ADGRB3: variants seen among roughly 807,000 people sequenced by gnomAD.
ADGRB3 encodes the protein brain-specific angiogenesis inhibitor 3.
ADGRB3 carries 37 observed loss-of-function variants against 193.4 expected under a neutral mutation model. The observed-to-expected ratio is 0.19, with a 90% confidence interval of 0.15 to 0.25. The LOEUF is 0.25. ADGRB3 is among the 10% of genes least tolerant of loss of function. The pLI is 1.00. For synonymous variants in ADGRB3, 690 were observed against 644.2 expected (o/e 1.07, Z -1.08); for missense variants, 1,637 against 1,852.9 (o/e 0.88, Z 2.14).
At chr6:69,044,770 T>TA (rs1230978668) in intron 13 of ADGRB3, among the ~76,000 whole-genome samples, 2 of 152,244 alleles carry the variant, frequency 1.3e-5, no homozygotes, top group African/African-American at 4.8e-5. Context: ...GAAAACACGA[T>TA]ACAGTGAATT....
At chr6:69,037,295 A>G (rs1205393518) in intron 13 of ADGRB3, among the ~76,000 whole-genome samples, 1 of 152,120 alleles carries the variant, frequency 6.6e-6, no homozygotes, top group Non-Finnish European at 1.5e-5. Context: ...GAATCTCAAT[A>G]TTGGCTTTGC....
At chr6:69,020,105 G>C (rs1232955145) in intron 13 of ADGRB3, among the ~76,000 whole-genome samples, 3 of 152,018 alleles carry the variant, frequency 2.0e-5, no homozygotes, top group African/African-American at 7.2e-5. Context: ...TGGACAATTG[G>C]TAAAGTAATT....
intron 3 of ADGRB3, among the ~76,000 whole-genome samples, chr6:68,677,951 AT>A (rs924950739): frequency 7.9e-5 from 12 of 151,680 alleles, no homozygotes; most frequent in Non-Finnish European, 1.2e-4. Flanking sequence ...TTATTCATGA[AT>A]TTTTTTTTAA....
chr6:68,976,556 C>A (rs527336434), intron 10 of ADGRB3, among the ~76,000 whole-genome samples: 42 of 151,978 alleles, frequency 2.8e-4, no homozygotes, highest in African/African-American at 8.9e-4. Flanking sequence ...GAAGGCTCAC[C>A]GATAACAAAA....
chr6:69,083,506 G>A (rs568509194), intron 17 of ADGRB3, among the ~76,000 whole-genome samples: 1 of 152,174 alleles, frequency 6.6e-6, no homozygotes, highest in South Asian at 2.1e-4. Flanking sequence ...GATGTGGGAG[G>A]GGCTGGGGGA....
At chr6:68,798,282 A>G (rs1355091354) in intron 3 of ADGRB3, among the ~76,000 whole-genome samples, 2 of 152,216 alleles carry the variant, frequency 1.3e-5, no homozygotes, top group South Asian at 2.1e-4. Flanking sequence ...CTATGTGCCA[A>G]GTCTGTTCTG....
At chr6:69,109,197 A>G (rs1255419477) in intron 17 of ADGRB3, among the ~76,000 whole-genome samples, 1 of 152,190 alleles carries the variant, frequency 6.6e-6, no homozygotes, top group Non-Finnish European at 1.5e-5. Flanking sequence ...GACATTTTAG[A>G]CAAGGTTGAA....
At chr6:69,252,132 A>G (rs1766637395) in intron 20 of ADGRB3, among the ~76,000 whole-genome samples, 1 of 152,028 alleles carries the variant, frequency 6.6e-6, no homozygotes, top group Non-Finnish European at 1.5e-5. Context: ...CTGTTTCAGG[A>G]TTTTATACAA....
intron 28 of ADGRB3, among the ~76,000 whole-genome samples, chr6:69,360,019 G>C (rs565705137): frequency 3.3e-5 from 5 of 151,640 alleles, no homozygotes; most frequent in African/African-American, 1.2e-4. Context: ...TTTTAATAAA[G>C]AATTATTTAC....
chr6:68,806,253 T>C (rs1354852404), intron 3 of ADGRB3, among the ~76,000 whole-genome samples: 1 of 152,244 alleles, frequency 6.6e-6, no homozygotes, highest in African/African-American at 2.4e-5. Context: ...GATTTACTCT[T>C]CATGCTCCAT....
intron 20 of ADGRB3, among the ~76,000 whole-genome samples, chr6:69,315,677 G>A (rs1330490516): frequency 1.3e-5 from 2 of 151,290 alleles, no homozygotes; most frequent in African/African-American, 2.4e-5. Context: ...GCAGTTACCG[G>A]TGTGTCCAGA....
chr6:69,173,814 T>A (rs1775352750), intron 17 of ADGRB3, among the ~76,000 whole-genome samples: 1 of 152,156 alleles, frequency 6.6e-6, no homozygotes, highest in South Asian at 2.1e-4. Context: ...CTAAAAAACA[T>A]TCTGAGGATG....
intron 17 of ADGRB3, among the ~76,000 whole-genome samples, chr6:69,200,143 G>A (rs1021130866): frequency 1.3e-5 from 2 of 150,574 alleles, no homozygotes; most frequent in African/African-American, 4.9e-5. Flanking sequence ...AAAAAAAACA[G>A]AGAAAACTCT....
In ADGRB3 at chr6:69,095,618, G is replaced by T. The variant is rs530743993; in HGVS notation, c.2480+19580G>T. Among the ~76,000 whole-genome samples, 5 of 152,252 alleles carry T rather than the reference G, an allele frequency of 3.3e-5. No individual in the cohort carries two copies. In the South Asian group the frequency reaches 1.0e-3, roughly 32 times the overall value. ...GTTTATCACGTGTTCTAATAACTTT[G>T]TCTGTCTGGAAGAAAATGCAGTGCT... On this transcript the variant is annotated intron_variant, in intron 17 of 31. Transcript: ENST00000370598.
At chr6:69,385,136 G>A (rs1770039710) in intron 31 of ADGRB3, among the ~76,000 whole-genome samples, 1 of 151,908 alleles carries the variant, frequency 6.6e-6, no homozygotes, top group Non-Finnish European at 1.5e-5. Context: ...AGAAGGCACT[G>A]ATATCCAGAG....
chr6:69,119,851 A>G (rs934665179), intron 17 of ADGRB3, among the ~76,000 whole-genome samples: 4 of 152,120 alleles, frequency 2.6e-5, no homozygotes, highest in Admixed American at 6.5e-5. Context: ...TTGAGCAGAG[A>G]AATGAGATAA....
At chr6:69,207,123 G>A (rs1490920494) in intron 17 of ADGRB3, among the ~76,000 whole-genome samples, 1 of 152,178 alleles carries the variant, frequency 6.6e-6, no homozygotes, top group African/African-American at 2.4e-5. Flanking sequence ...GGTAGGAGGA[G>A]CCCAAAGTCT....
intron 8 of ADGRB3, among the ~76,000 whole-genome samples, chr6:68,972,170 C>T (rs1392566139): frequency 6.6e-6 from 1 of 152,204 alleles, no homozygotes; most frequent in African/African-American, 2.4e-5. Flanking sequence ...GGAGTTAGCC[C>T]TACCTAGTGG....
At chr6:69,386,415 C>T (rs1365834265) in intron 31 of ADGRB3, among the ~76,000 whole-genome samples, 1 of 151,988 alleles carries the variant, frequency 6.6e-6, no homozygotes, top group African/African-American at 2.4e-5. Flanking sequence ...AGACACAACC[C>T]TCGTGTATGA....
Sources: gnomAD v4.1 joint callset for allele counts (sites outside exome capture counted in the v4.1 genomes callset) on GRCh38, gnomAD v4.1.1 for gene constraint, MANE v1.5 for transcripts, NCBI Gene and HGNC (gene_info 2026-07-23, HGNC 2026-07-21) for gene names.